ASB15: variants seen among roughly 807,000 people sequenced by gnomAD.
ASB15 encodes the protein ankyrin repeat and SOCS box protein 15.
A neutral mutation model predicts 58.0 loss-of-function variants in ASB15; 54 were observed. The observed-to-expected ratio is 0.93, with a 90% CI of 0.75 to 1.17. The LOEUF (loss-of-function observed/expected upper bound fraction) is 1.17, where lower values mean the gene tolerates loss of function less well. Ranked by LOEUF, ASB15 falls within the 50% of genes most tolerant of loss-of-function variation. ASB15 has a pLI of 0.00. For missense variants in ASB15, 680 were observed against 707.4 expected (o/e 0.96, Z 0.44); for synonymous variants, 249 against 262.4 (o/e 0.95, Z 0.50).
rs1802042022 is a variant in ASB15, at chr7:123,630,086, C to T, written c.1561C>T (p.Gln521Ter). 2 of 1,600,098 alleles carry T rather than the reference C, an allele frequency of 1.2e-6. No homozygotes were observed. Among genetic ancestry groups the T allele is most frequent in the Non-Finnish European group, 8.5e-7 (1 of 1,171,472 alleles). ...CAKLKSALEV[Q>*]REWPEIRQIL... ...TAAACTGAAGTCTGCACTAGAAGTA[C>T]AGAGAGAATGGCCAGAAATCCGCCA... The change falls in exon 11 of 12, where the codon CAG (glutamine) becomes TAG (stop). Residue 521 changes from glutamine (Q) to a stop codon, truncating the protein, a stop_gained. Coordinates refer to ENST00000451215, the MANE Select transcript of ASB15 (RefSeq NM_001290258.2). LOFTEE classifies it high-confidence loss of function.
At chr7:123,573,589 GT>G (rs1344400697) in intron 1 of ASB15, among the ~76,000 whole-genome samples, 2 of 152,006 alleles carry the variant, frequency 1.3e-5, no homozygotes, top group Non-Finnish European at 2.9e-5. Context: ...AAACACTCCA[GT>G]TTATAAGAGC....
At position 123,637,884 on chromosome 7, in the gene ASB15, A is replaced by AAAAAAAAAAAAAAAAAAAAAAAAAAAAC. The variant is rs1802504557; in HGVS notation, c.*919_*920insAAAAAAAAAAACAAAAAAAAAAAAAAAA. On this transcript the variant is annotated 3_prime_UTR_variant, in exon 12 of 12. Coordinates refer to ENST00000451215, the MANE Select transcript of ASB15 (RefSeq NM_001290258.2). ...AACATGTCCCCAGATGAACTAAAAA[A>AAAAAAAAAAAAAAAAAAAAAAAAAAAAC]AAAAAAAAAAAAAAAACCTCTTTCC... 1 of 147,762 alleles carries AAAAAAAAAAAAAAAAAAAAAAAAAAAAC rather than the reference A, an allele frequency of 6.8e-6. No homozygotes were observed. The highest frequency in any genetic ancestry group is 2.5e-5 in the African/African-American group (1 of 40,426). 9.2% of individuals were successfully genotyped at this position (147,762 alleles called of 1,614,324 possible).
chr7:123,612,944 C>T (rs1800554143), intron 3 of ASB15, among the ~76,000 whole-genome samples: 1 of 151,828 alleles, frequency 6.6e-6, no homozygotes, highest in Admixed American at 6.6e-5. Context: ...AGCAAAATAC[C>T]ATTTACATCT....
At chr7:123,613,291 CTT>C (rs533737373) in intron 3 of ASB15, among the ~76,000 whole-genome samples, 6 of 150,386 alleles carry the variant, frequency 4.0e-5, no homozygotes, top group Non-Finnish European at 8.9e-5. Context: ...GCAGAGCACT[CTT>C]TTGTTTTTCT....
At chr7:123,600,520 AAATT>A (rs1799841975), upstream of ASB15, among the ~76,000 whole-genome samples, 1 of 152,208 alleles carries the variant, frequency 6.6e-6, no homozygotes, top group Admixed American at 6.5e-5. Flanking sequence ...AAGTTGTATA[AAATT>A]AAAGTGTTTC....
At chr7:123,571,604 A>T (rs531293225) in intron 1 of ASB15, among the ~76,000 whole-genome samples, 28 of 152,356 alleles carry the variant, frequency 1.8e-4, no homozygotes, top group African/African-American at 6.5e-4. Context: ...GAGAAGCATT[A>T]TATCAAAAAA....
chr7:123,594,829 A>T (rs1799648698), intron 1 of ASB15, among the ~76,000 whole-genome samples: 2 of 152,198 alleles, frequency 1.3e-5, no homozygotes, highest in African/African-American at 4.8e-5. Context: ...GCTGTCAGGC[A>T]GGGACGTTTA....
intron 1 of ASB15, among the ~76,000 whole-genome samples, chr7:123,577,093 ACC>A (rs1799088023): frequency 6.6e-6 from 1 of 152,088 alleles, no homozygotes; most frequent in Non-Finnish European, 1.5e-5. Flanking sequence ...CTTTTACATA[ACC>A]ACCTCCTACT....
chr7:123,617,527 A>G, intron 6 of ASB15, 52 bp from the exon 7 acceptor site: 1 of 1,474,294 alleles, frequency 6.8e-7, no homozygotes, highest in Admixed American at 1.9e-5. Context: ...TTTGTGTAAT[A>G]TCCTATAAGT....
chr7:123,637,784 C>G lies in ASB15; in HGVS notation c.*803C>G, dbSNP rs1802492993. ...CAAAATTTCCATCCAAAGCTCAGCT[C>G]TTTCTCTCATGTTCTCCTGACCTAT... On this transcript the variant is annotated 3_prime_UTR_variant, in exon 12 of 12. Transcript: ENST00000451215. 1 of 150,114 alleles carries G rather than the reference C, an allele frequency of 6.7e-6. No individual in the cohort carries two copies. Among genetic ancestry groups the G allele is most frequent in the Non-Finnish European group, 1.5e-5 (1 of 67,832 alleles). 9.3% of individuals were successfully genotyped at this position (150,114 alleles called of 1,614,324 possible). A position where few individuals can be genotyped will look rare whatever the true frequency, so the allele number is the denominator to read the frequency against.
chr7:123,611,297 T>A (rs1249796524), intron 3 of ASB15, among the ~76,000 whole-genome samples: 1 of 152,000 alleles, frequency 6.6e-6, no homozygotes, highest in Non-Finnish European at 1.5e-5. Context: ...ATAAATAATT[T>A]TTTTTTCTTT....
chr7:123,624,903 T>C (rs948655928), intron 8 of ASB15, 89 bp downstream of exon 8: 4 of 1,424,922 alleles, frequency 2.8e-6, no homozygotes, highest in Non-Finnish European at 3.8e-6. Flanking sequence ...CACCTGAATG[T>C]AACTAGGGGA....
intron 1 of ASB15, among the ~76,000 whole-genome samples, chr7:123,594,563 T>A (rs933672225): frequency 6.6e-6 from 1 of 152,176 alleles, no homozygotes; most frequent in Admixed American, 6.5e-5. Context: ...TGTTGGAGTT[T>A]GCTGGAGGTC....
At chr7:123,623,778 T>G (rs1425961705) in intron 7 of ASB15, among the ~76,000 whole-genome samples, 1 of 149,958 alleles carries the variant, frequency 6.7e-6, no homozygotes, top group East Asian at 2.0e-4. Context: ...GCAGGAGAAT[T>G]GCTTGAACCC....
intron 1 of ASB15, among the ~76,000 whole-genome samples, chr7:123,569,246 G>A (rs1307537433): frequency 6.6e-6 from 1 of 152,116 alleles, no homozygotes; most frequent in African/African-American, 2.4e-5. Flanking sequence ...TCTTAACATT[G>A]AGGGAATAAA....
upstream of ASB15, among the ~76,000 whole-genome samples, chr7:123,597,930 G>GTGTGTGTC (rs1232168642): frequency 9.6e-5 from 8 of 83,078 alleles, no homozygotes; most frequent in African/African-American, 3.1e-4. Flanking sequence ...GTGTGTGTGT[G>GTGTGTGTC]TGTGTGTGTG....
chr7:123,579,347 G>C (rs1424038297), intron 1 of ASB15, among the ~76,000 whole-genome samples: 1 of 151,978 alleles, frequency 6.6e-6, no homozygotes, highest in African/African-American at 2.4e-5. Flanking sequence ...TAAAAATAAG[G>C]ATCTTAGATT....
At chr7:123,568,023 A>C (rs1360737300) in intron 1 of ASB15, among the ~76,000 whole-genome samples, 2 of 152,192 alleles carry the variant, frequency 1.3e-5, no homozygotes, top group Non-Finnish European at 2.9e-5. Context: ...TGTGGTTTTC[A>C]GATATGTTGA....
chr7:123,588,889 T>C (rs1292235304), intron 1 of ASB15, among the ~76,000 whole-genome samples: 1 of 151,870 alleles, frequency 6.6e-6, no homozygotes, highest in Non-Finnish European at 1.5e-5. Flanking sequence ...ATTTTTTTTC[T>C]ATTATTGGTT....
Sources: gnomAD v4.1 joint callset for allele counts (sites outside exome capture counted in the v4.1 genomes callset) on GRCh38, gnomAD v4.1.1 for gene constraint, MANE v1.5 for transcripts, NCBI Gene and HGNC (gene_info 2026-07-23, HGNC 2026-07-21) for gene names.